The following NLGN4X variants were observed in gnomAD, a reference collection of about 807,000 sequenced individuals.
NLGN4X encodes neuroligin 4 X-linked, also known as neuroligin-4, X-linked.
A neutral mutation model predicts 40.3 loss-of-function variants in NLGN4X; 3 were observed. The observed-to-expected ratio is 0.07, with a 90% CI of 0.03 to 0.19. The LOEUF (loss-of-function observed/expected upper bound fraction) is 0.19, where lower values mean the gene tolerates loss of function less well. Among genes scored for constraint, NLGN4X ranks in the 10% least tolerant of loss-of-function variants. The probability of loss-of-function intolerance (pLI) is 1.00; values close to 1 mark genes in which losing one functional copy is unlikely to be tolerated. For missense variants in NLGN4X, 382 were observed against 708.3 expected, an observed-to-expected ratio of 0.54 and a Z score of 5.23; for synonymous variants, 270 against 306.8, an observed-to-expected ratio of 0.88 and a Z score of 1.25.
At chrX:5,968,685 T>TA (rs1461639409) in intron 3 of NLGN4X, among the ~76,000 whole-genome samples, 1 of 108,122 alleles carries the variant, frequency 9.2e-6, no homozygotes, top group East Asian at 2.9e-4. Flanking sequence ...TTTAATGACA[T>TA]AGTTTTTCTG....
chrX:5,959,319 G>C (rs997659332), intron 3 of NLGN4X, among the ~76,000 whole-genome samples: 6 of 112,104 alleles, frequency 5.4e-5, no homozygotes, highest in African/African-American at 1.9e-4. Flanking sequence ...GGCATTTCTG[G>C]ATTTTTATAC....
rs57634260 is a variant in NLGN4X at position 6,070,854 on chromosome X, C to T, written c.473-41422G>A. ...AGGAACCTGCCAGACACTTTTAAAA[C>T]CATCAGATCTCGTGAGAACTCACTC... On this transcript the variant is annotated intron_variant, in intron 2 of 5. Coordinates refer to ENST00000381095, the MANE Select transcript of NLGN4X (RefSeq NM_181332.3). Among the ~76,000 whole-genome samples, 481 of 111,619 alleles carry T rather than the reference C, an allele frequency of 4.3e-3. 4 individuals carry two copies. The highest frequency in any genetic ancestry group is 0.013 in the African/African-American group (400 of 30,714).
chrX:5,948,926 C>T (rs1156470746), intron 3 of NLGN4X, among the ~76,000 whole-genome samples: 1 of 111,625 alleles, frequency 9.0e-6, no homozygotes, highest in Non-Finnish European at 1.9e-5. Context: ...ACTCACATGG[C>T]GGTACTAATG....
At chrX:5,907,724 G>A (rs61188283) in intron 4 of NLGN4X, among the ~76,000 whole-genome samples, 1 of 110,197 alleles carries the variant, frequency 9.1e-6, no homozygotes, top group Non-Finnish European at 1.9e-5. Context: ...GACTGGCCCA[G>A]CAAGGAGGTC....
At chrX:6,179,987 G>A (rs1464040942) in intron 1 of NLGN4X, among the ~76,000 whole-genome samples, 12 of 111,484 alleles carry the variant, frequency 1.1e-4, no homozygotes, top group Non-Finnish European at 1.9e-5. Flanking sequence ...ATCTTTTCAG[G>A]GCACCTAATA....
intron 1 of NLGN4X, among the ~76,000 whole-genome samples, chrX:6,208,966 A>G (rs776655615): frequency 8.0e-5 from 9 of 112,572 alleles, no homozygotes; most frequent in Non-Finnish European, 1.5e-4. Context: ...AATAGCAAAG[A>G]TATGGAATCC....
At chrX:6,009,244 G>T (rs991941655) in intron 3 of NLGN4X, among the ~76,000 whole-genome samples, 1 of 111,896 alleles carries the variant, frequency 8.9e-6, no homozygotes, top group Non-Finnish European at 1.9e-5. Flanking sequence ...ATTCTTTTGA[G>T]TATATACCCA....
chrX:6,162,998 C>T (rs1237355419), intron 1 of NLGN4X, among the ~76,000 whole-genome samples: 4 of 111,464 alleles, frequency 3.6e-5, no homozygotes, highest in African/African-American at 1.3e-4. Flanking sequence ...CAGTTTCCCC[C>T]ATACTGTTCT....
rs138234092 is a variant in NLGN4X at position 6,051,533 on chromosome X, G to A, written c.473-22101C>T. ...AGATGAAGACAGACATTGAAGTGAC[G>A]CTTCCAAGAAAAGCCAAAAGTTAAC... On this transcript the variant is annotated intron_variant, in intron 2 of 5. Transcript: ENST00000381095. Among the ~76,000 whole-genome samples, 80 of 110,798 alleles carry A rather than the reference G, an allele frequency of 7.2e-4. 1 individual carries two copies. In the East Asian group the frequency reaches 0.018, roughly 25 times the overall value.
chrX:5,967,817 C>T (rs1354151118), intron 3 of NLGN4X, among the ~76,000 whole-genome samples: 3 of 111,006 alleles, frequency 2.7e-5, no homozygotes, highest in Non-Finnish European at 1.9e-5. Context: ...ATTTACAATG[C>T]TGGTCCTGTG....
chrX:6,043,304 TA>T lies in NLGN4X; in HGVS notation c.473-13873del, dbSNP rs1169075375. On this transcript the variant is annotated intron_variant, in intron 2 of 5. Coordinates refer to ENST00000381095, the MANE Select transcript of NLGN4X (RefSeq NM_181332.3). The stretch of plus-strand genomic sequence containing the variant: ...TGTGACTTTTTTAAATAAATAGTCA[TA>T]AAAAATACCTAACAAAACAAAATAT... Among the ~76,000 whole-genome samples, 3 of 110,506 alleles carry T rather than the reference TA, an allele frequency of 2.7e-5. No homozygotes were observed. In the South Asian group the frequency reaches 1.2e-3, roughly 43 times the overall value.
At chrX:5,919,871 A>T (rs1475494797) in intron 3 of NLGN4X, among the ~76,000 whole-genome samples, 1 of 111,781 alleles carries the variant, frequency 8.9e-6, no homozygotes, top group African/African-American at 3.2e-5. Flanking sequence ...AGATATTTTT[A>T]TATATTCTAG....
intron 2 of NLGN4X, among the ~76,000 whole-genome samples, chrX:6,113,874 G>A (rs932720339): frequency 9.0e-6 from 1 of 111,371 alleles, no homozygotes; most frequent in Non-Finnish European, 1.9e-5. Flanking sequence ...GGCTGGAAGT[G>A]CAGTGGCGCA....
chrX:6,157,894 C>G (rs970608512), intron 1 of NLGN4X, among the ~76,000 whole-genome samples: 1 of 111,059 alleles, frequency 9.0e-6, no homozygotes, highest in Non-Finnish European at 1.9e-5. Context: ...GGTAAGGGTA[C>G]GTAATGGGGT....
At chrX:6,043,132 C>CAT (rs1365522160) in intron 2 of NLGN4X, among the ~76,000 whole-genome samples, 1 of 53,319 alleles carries the variant, frequency 1.9e-5, no homozygotes, top group Non-Finnish European at 3.7e-5. Flanking sequence ...TATGCACGCG[C>CAT]ATACACACAC....
chrX:6,137,776 C>T (rs373996508), intron 2 of NLGN4X, among the ~76,000 whole-genome samples: 13 of 112,226 alleles, frequency 1.2e-4, no homozygotes, highest in South Asian at 1.1e-3. Flanking sequence ...TAATGATGAG[C>T]TCCATTATTT....
At chrX:6,026,664 T>G (rs1161903223) in intron 3 of NLGN4X, among the ~76,000 whole-genome samples, 1 of 111,604 alleles carries the variant, frequency 9.0e-6, no homozygotes, top group East Asian at 2.8e-4. Context: ...GGGTCTGTAG[T>G]GTGCTTGGCT....
intron 3 of NLGN4X, among the ~76,000 whole-genome samples, chrX:5,937,241 A>T (rs1313580119): frequency 9.1e-6 from 1 of 110,009 alleles, no homozygotes; most frequent in East Asian, 2.9e-4. Flanking sequence ...CACCCAGCTA[A>T]TTTTTTTCTA....
intron 2 of NLGN4X, among the ~76,000 whole-genome samples, chrX:6,073,697 G>T (rs1403278192): frequency 2.7e-5 from 3 of 110,914 alleles, no homozygotes; most frequent in Admixed American, 9.7e-5. Context: ...TACTGCATTG[G>T]AAACCAGGAA....
Sources: allele counts gnomAD v4.1 joint callset (sites outside exome capture counted in the v4.1 genomes callset), GRCh38; gene constraint gnomAD v4.1.1; transcripts MANE v1.5; gene names NCBI Gene and HGNC (gene_info 2026-07-23, HGNC 2026-07-21).